Variants in PPIB observed in about 807,000 individuals in gnomAD.
The protein encoded by PPIB is peptidyl-prolyl cis-trans isomerase B.
In PPIB, 15 loss-of-function variants were observed where a neutral mutation model predicts 20.1. The observed-to-expected ratio is 0.75, with a 90% CI of 0.50 to 1.15. PPIB has a LOEUF of 1.15. PPIB is among the 50% of genes most tolerant of loss of function. The pLI is 0.00. For synonymous variants in PPIB, 129 were observed against 111.0 expected (o/e 1.16, Z -1.02); for missense variants, 278 against 283.0 (o/e 0.98, Z 0.13).
Position 64,157,291 on chromosome 15 carries a change from A to C in PPIB, c.344-382T>G. The C allele has an allele frequency of 4.0e-6, 1 of 250,264 alleles. No individual in the cohort carries two copies. The highest frequency in any genetic ancestry group is 7.8e-6 in the Non-Finnish European group (1 of 127,466). 15.5% of individuals were successfully genotyped at this position (250,264 alleles called of 1,614,324 possible). A position where few individuals can be genotyped will look rare whatever the true frequency, so the allele number is the denominator to read the frequency against. Reference sequence around the variant, plus strand: ...GGAGTCAACAGGGTCGGAACTCTCCAGAAAAGGAGGACTGCTGTGGCTGAC... The same window carrying C: ...GGAGTCAACAGGGTCGGAACTCTCCCGAAAAGGAGGACTGCTGTGGCTGAC... On this transcript the variant is annotated intron_variant, in intron 3 of 4. Transcript: ENST00000300026. The surrounding 1 kb of genome is among the most constrained non-coding windows in gnomAD (Gnocchi z 4.2).
In PPIB at chr15:64,161,709, G is replaced by C. The variant is rs528841236; in HGVS notation, c.249+332C>G. On this transcript the variant is annotated intron_variant, in intron 2 of 4. Coordinates refer to ENST00000300026, the MANE Select transcript of PPIB (RefSeq NM_000942.5). The surrounding 1 kb of genome is among the most constrained non-coding windows in gnomAD (Gnocchi z 4.2). ...CACTGCACTCCAGCCCAGGCGACAAGAGTGAAACTCCGTCTCAAAAAAAAA... is the reference window on the plus strand; with the variant it reads ...CACTGCACTCCAGCCCAGGCGACAACAGTGAAACTCCGTCTCAAAAAAAAA... Among the ~76,000 whole-genome samples, 2 of 151,356 alleles carry C rather than the reference G, an allele frequency of 1.3e-5. No individual in the cohort carries two copies. Among genetic ancestry groups the C allele is most frequent in the Non-Finnish European group, 2.9e-5 (2 of 67,826 alleles).
chr15:64,156,901 T>TTCTGTGGGGCTCAGATTTTGATTATA lies in PPIB; in HGVS notation c.351_352insTATAATCAAAATCTGAGCCCCACAGA (p.Ile118TyrfsTer22). The stretch of plus-strand genomic sequence containing the variant: ...TCATCGGGGAAGCGCTCACCGTAGA[T>TTCTGTGGGGCTCAGATTTTGATTATA]GCTCTTTCCTGGGAAAAAAGACAGA... On this transcript the variant is annotated frameshift_variant, in exon 4 of 5. Transcript: ENST00000300026. LOFTEE classifies it high-confidence loss of function. The surrounding 1 kb of genome is among the most constrained non-coding windows in gnomAD (Gnocchi z 6.4). 6.2e-7 allele frequency: 1 copy of TTCTGTGGGGCTCAGATTTTGATTATA among 1,614,092 alleles called. No individual in the cohort carries two copies. The highest frequency in any genetic ancestry group is 8.5e-7 in the Non-Finnish European group (1 of 1,179,988).
rs1007290150 is a variant in PPIB at position 64,159,074 on chromosome 15, A to T, written c.343+1030T>A. On this transcript the variant is annotated intron_variant, in intron 3 of 4. Coordinates refer to ENST00000300026, the MANE Select transcript of PPIB (RefSeq NM_000942.5). The surrounding 1 kb of genome is among the most constrained non-coding windows in gnomAD (Gnocchi z 5.1). ...GAGCCCAACTGCGTCTGACTCCACA[A>T]ATACAGTTCTTTGGTCTCCTTTGTG... Among the ~76,000 whole-genome samples, 2 of 152,186 alleles carry T rather than the reference A, an allele frequency of 1.3e-5. No individual in the cohort carries two copies. The highest frequency in any genetic ancestry group is 2.9e-5 in the Non-Finnish European group (2 of 68,024).
chr15:64,162,224 A>G, intron 1 of PPIB, 70 bp from the exon 2 acceptor site: 1 of 1,074,188 alleles, frequency 9.3e-7, no homozygotes, highest in South Asian at 1.2e-5. Flanking sequence ...AGGTACAAGA[A>G]GCTAACCTGA....
Position 64,157,673 on chromosome 15 carries a change from AT to A in PPIB, c.344-765del, listed in dbSNP as rs1163815813. 6.6e-6 allele frequency among the ~76,000 whole-genome samples: 1 copy of A among 152,266 alleles called. No individual in the cohort carries two copies. The highest frequency in any genetic ancestry group is 1.9e-4 in the East Asian group (1 of 5,186). On this transcript the variant is annotated intron_variant, in intron 3 of 4. Coordinates refer to ENST00000300026, the MANE Select transcript of PPIB (RefSeq NM_000942.5). The surrounding 1 kb of genome is among the most constrained non-coding windows in gnomAD (Gnocchi z 4.2). Reference sequence around the variant, plus strand: ...AAGAAACTCAGCCAAAAATGGGGTCATTTTCATTTTGTTTTATCTAACACCT... The same window carrying A: ...AAGAAACTCAGCCAAAAATGGGGTCATTTCATTTTGTTTTATCTAACACCT...
Position 64,155,885 on chromosome 15 carries a change from A to G in PPIB, c.*138T>C. 1.6e-6 allele frequency: 2 copies of G among 1,289,432 alleles called. No homozygotes were observed. The highest frequency in any genetic ancestry group is 2.2e-6 in the Non-Finnish European group (2 of 899,964). 79.9% of individuals were successfully genotyped at this position (1,289,432 alleles called of 1,614,324 possible). A position where few individuals can be genotyped will look rare whatever the true frequency, so the allele number is the denominator to read the frequency against. On this transcript the variant is annotated 3_prime_UTR_variant, in exon 5 of 5. Coordinates refer to ENST00000300026, the MANE Select transcript of PPIB (RefSeq NM_000942.5). ...TTGGTAGGAGTTTGTTACAAAAGTG[A>G]GTCCATGGGCCTGTGGAATGTGAGG...
In PPIB at chr15:64,158,351, C is replaced by A. The variant is rs973637493; in HGVS notation, c.344-1442G>T. ...TCCACTCTATGAGGAGGAGCTAACT[C>A]CACTTCAAAGATGAAGAAACTGAGG... On this transcript the variant is annotated intron_variant, in intron 3 of 4. Transcript: ENST00000300026. The surrounding 1 kb of genome is among the most constrained non-coding windows in gnomAD (Gnocchi z 4.7). Among the ~76,000 whole-genome samples, 5 of 152,170 alleles carry A rather than the reference C, an allele frequency of 3.3e-5. No individual in the cohort carries two copies. Among genetic ancestry groups the A allele is most frequent in the African/African-American group, 9.7e-5 (4 of 41,426 alleles).
At position 64,162,946 on chromosome 15, in the gene PPIB, G is replaced by C; in HGVS notation, c.41C>G (p.Ala14Gly). 1 of 1,613,622 alleles carries C rather than the reference G, an allele frequency of 6.2e-7. No homozygotes were observed. The highest frequency in any genetic ancestry group is 8.5e-7 in the Non-Finnish European group (1 of 1,179,882). Reference sequence around the variant, plus strand: ...GACGGACCCCGCGATGAGGGCGGCGGCAAGGAGCACCTTCATGTTGCGTTC... The same window carrying C: ...GACGGACCCCGCGATGAGGGCGGCGCCAAGGAGCACCTTCATGTTGCGTTC... ...LSERNMKVLL[A>G]AALIAGSVFF... The change falls in exon 1 of 5, where the codon GCC becomes GGC. Residue 14 changes from alanine (A) to glycine (G), a missense_variant. Physicochemically the swap from Ala to Gly is moderately conservative, Grantham distance 60. Coordinates refer to ENST00000300026, the MANE Select transcript of PPIB (RefSeq NM_000942.5).
In PPIB at chr15:64,160,951, G is replaced by GT. The variant is rs1217040932; in HGVS notation, c.250-755dup. Among the ~76,000 whole-genome samples, 1 of 149,666 alleles carries GT rather than the reference G, an allele frequency of 6.7e-6. No individual in the cohort carries two copies. Among genetic ancestry groups the GT allele is most frequent in the African/African-American group, 2.5e-5 (1 of 40,508 alleles). ...AGGTGTGAGCCACCATGCCCAGCCT[G>GT]TTTTTTTATTTTTTATTTTTATTTT... On this transcript the variant is annotated intron_variant, in intron 2 of 4. Coordinates refer to ENST00000300026, the MANE Select transcript of PPIB (RefSeq NM_000942.5). This position sits in a 1 kb window ranked among gnomAD's most constrained non-coding sequence, Gnocchi z 4.8.
rs1203394876 is a variant in PPIB at position 64,160,036 on chromosome 15, C to A, written c.343+68G>T. ...GAAGAAAGAGGCCTGGTCTCCCCAG[C>A]AGAACCTGGCCCTCCCACTGTGGAG... On this transcript the variant is annotated intron_variant, in intron 3 of 4. Transcript: ENST00000300026. The surrounding 1 kb of genome is among the most constrained non-coding windows in gnomAD (Gnocchi z 4.8). 1 of 1,369,620 alleles carries A rather than the reference C, an allele frequency of 7.3e-7. No individual in the cohort carries two copies. The allele number at this position is 1,369,620 out of a possible 1,614,324, so 84.8% of individuals were successfully genotyped here.
chr15:64,155,838 CA>C lies in PPIB; in HGVS notation c.*184del, dbSNP rs1179262163. 156 of 799,826 alleles carry C rather than the reference CA, an allele frequency of 2.0e-4. No individual in the cohort carries two copies. The highest frequency in any genetic ancestry group is 8.5e-4 in the Admixed American group (30 of 35,156). 49.5% of individuals were successfully genotyped at this position (799,826 alleles called of 1,614,324 possible). On this transcript the variant is annotated 3_prime_UTR_variant, in exon 5 of 5. Transcript: ENST00000300026. Reference sequence around the variant, plus strand: ...TATATATTAAAAAAAAAAAAACCCACATTTTTTTTTATTGGTCAGTGTTGGT... The same window carrying C: ...TATATATTAAAAAAAAAAAAACCCACTTTTTTTTTATTGGTCAGTGTTGGT...
rs1257262610 is a variant in PPIB, at chr15:64,156,237, A to G, written c.529-92T>C. ...CCCAGCGTATGGCTCAGGAGGGCTA[A>G]GACCCACAAGTGATCAACAGCACAC... On this transcript the variant is annotated intron_variant, in intron 4 of 4. Transcript: ENST00000300026. The surrounding 1 kb of genome is among the most constrained non-coding windows in gnomAD (Gnocchi z 6.4). 3 of 1,515,114 alleles carry G rather than the reference A, an allele frequency of 2.0e-6. No individual in the cohort carries two copies. The East Asian group carries it at 7.0e-5, about 35-fold the overall frequency. 93.9% of individuals were successfully genotyped at this position (1,515,114 alleles called of 1,614,324 possible). A position where few individuals can be genotyped will look rare whatever the true frequency, so the allele number is the denominator to read the frequency against.
chr15:64,158,356 T>G lies in PPIB; in HGVS notation c.344-1447A>C, dbSNP rs1317679658. ...TCTATGAGGAGGAGCTAACTCCACTTCAAAGATGAAGAAACTGAGGCACAG... is the reference window on the plus strand; with the variant it reads ...TCTATGAGGAGGAGCTAACTCCACTGCAAAGATGAAGAAACTGAGGCACAG... On this transcript the variant is annotated intron_variant, in intron 3 of 4. Transcript: ENST00000300026. The surrounding 1 kb of genome is among the most constrained non-coding windows in gnomAD (Gnocchi z 4.7). 6.6e-6 allele frequency among the ~76,000 whole-genome samples: 1 copy of G among 152,100 alleles called. No homozygotes were observed.
Position 64,161,945 on chromosome 15 carries a change from G to A in PPIB, c.249+96C>T, listed in dbSNP as rs1596031257. On this transcript the variant is annotated intron_variant, in intron 2 of 4. Transcript: ENST00000300026. This position sits in a 1 kb window ranked among gnomAD's most constrained non-coding sequence, Gnocchi z 4.2. Reference sequence around the variant, plus strand: ...GCAGTCGGTGCTCAGTGAGGTCCACGCTACAGATCGGCTGAACTCTGCAGG... The same window carrying A: ...GCAGTCGGTGCTCAGTGAGGTCCACACTACAGATCGGCTGAACTCTGCAGG... 5.6e-6 allele frequency: 5 copies of A among 892,002 alleles called. No individual in the cohort carries two copies. The East Asian group carries it at 7.2e-5, about 13-fold the overall frequency. The allele number at this position is 892,002 out of a possible 1,614,324, so 55.3% of individuals were successfully genotyped here.
Position 64,155,912 on chromosome 15 carries a change from G to A in PPIB, c.*111C>T, listed in dbSNP as rs954840080. ...TCCATGGGCCTGTGGAATGTGAGGG[G>A]AGTGGGTCCGCTCCACCAGATGCCA... On this transcript the variant is annotated 3_prime_UTR_variant, in exon 5 of 5. Coordinates refer to ENST00000300026, the MANE Select transcript of PPIB (RefSeq NM_000942.5). 1 of 1,522,690 alleles carries A rather than the reference G, an allele frequency of 6.6e-7. No homozygotes were observed. Among genetic ancestry groups the A allele is most frequent in the Admixed American group, 1.7e-5 (1 of 59,862 alleles). 94.3% of individuals were successfully genotyped at this position (1,522,690 alleles called of 1,614,324 possible). A position where few individuals can be genotyped will look rare whatever the true frequency, so the allele number is the denominator to read the frequency against.
chr15:64,156,897 T>C lies in PPIB; in HGVS notation c.356A>G (p.Tyr119Cys). ...RGDGTGGKSI[Y>C]GERFPDENFK... ...GTTCTCATCGGGGAAGCGCTCACCG[T>C]AGATGCTCTTTCCTGGGAAAAAAGA... Residue 119 changes from tyrosine (Y) to cysteine (C), a missense_variant, in exon 4 of 5, where the codon TAC becomes TGC. By Grantham distance (194) the Tyr-to-Cys change is radical. Coordinates refer to ENST00000300026, the MANE Select transcript of PPIB (RefSeq NM_000942.5). This position sits in a 1 kb window ranked among gnomAD's most constrained non-coding sequence, Gnocchi z 6.4. 1 of 1,614,090 alleles carries C rather than the reference T, an allele frequency of 6.2e-7. No homozygotes were observed. The highest frequency in any genetic ancestry group is 8.5e-7 in the Non-Finnish European group (1 of 1,179,998).
In PPIB at chr15:64,156,458, GGTGGGACCAGCACGTCA is replaced by G. The variant is rs2081532343; in HGVS notation, c.528+250_528+266del. The G allele has an allele frequency of 8.1e-6, 5 of 617,758 alleles. No individual in the cohort carries two copies. The South Asian group carries it at 9.5e-5, about 12-fold the overall frequency. 38.3% of individuals were successfully genotyped at this position (617,758 alleles called of 1,614,324 possible). A position where few individuals can be genotyped will look rare whatever the true frequency, so the allele number is the denominator to read the frequency against. ...TCAGCTGCACTCTGTATACCTCAGG[GGTGGGACCAGCACGTCA>G]CTGAGTGAAGGAGGGGAGGGAGGCT... On this transcript the variant is annotated intron_variant, in intron 4 of 4. Coordinates refer to ENST00000300026, the MANE Select transcript of PPIB (RefSeq NM_000942.5). The surrounding 1 kb of genome is among the most constrained non-coding windows in gnomAD (Gnocchi z 6.4).
In PPIB at chr15:64,159,806, A is replaced by G. The variant is rs1024749048; in HGVS notation, c.343+298T>C. On this transcript the variant is annotated intron_variant, in intron 3 of 4. Transcript: ENST00000300026. The surrounding 1 kb of genome is among the most constrained non-coding windows in gnomAD (Gnocchi z 5.1). ...TTGCTTCCACACGCCTCTCTCCCCAATCCCCATTCTGAAGAGGTATCAGGA... is the reference window on the plus strand; with the variant it reads ...TTGCTTCCACACGCCTCTCTCCCCAGTCCCCATTCTGAAGAGGTATCAGGA... 28 of 510,654 alleles carry G rather than the reference A, an allele frequency of 5.5e-5. 1 individual carries two copies. Among genetic ancestry groups the G allele is most frequent in the South Asian group, 3.7e-4 (18 of 48,194 alleles). 31.6% of individuals were successfully genotyped at this position (510,654 alleles called of 1,614,324 possible).
rs557842653 is a variant in PPIB, at chr15:64,156,431, G to A, written c.529-286C>T. The A allele has an allele frequency of 1.7e-4, 104 of 616,916 alleles. No individual in the cohort carries two copies. Among genetic ancestry groups the A allele is most frequent in the South Asian group, 1.5e-3 (81 of 52,662 alleles). The allele number at this position is 616,916 out of a possible 1,614,324, so 38.2% of individuals were successfully genotyped here. A position where few individuals can be genotyped will look rare whatever the true frequency, so the allele number is the denominator to read the frequency against. On this transcript the variant is annotated intron_variant, in intron 4 of 4. Transcript: ENST00000300026. This position sits in a 1 kb window ranked among gnomAD's most constrained non-coding sequence, Gnocchi z 6.4. Reference sequence around the variant, plus strand: ...GCATGTGGCTTCTCAGGGACATTGCGTTCAGCTGCACTCTGTATACCTCAG... The same window carrying A: ...GCATGTGGCTTCTCAGGGACATTGCATTCAGCTGCACTCTGTATACCTCAG...
Sources: gnomAD v4.1 joint callset for allele counts (sites outside exome capture counted in the v4.1 genomes callset) on GRCh38, gnomAD v4.1.1 for gene constraint, Gnocchi (gnomAD v3.1) non-coding constraint, MANE v1.5 for transcripts, NCBI Gene and HGNC (gene_info 2026-07-23, HGNC 2026-07-21) for gene names.